The following CKMT2 variants were observed in gnomAD, a reference collection of about 807,000 sequenced individuals.
CKMT2 encodes the protein creatine kinase S-type, mitochondrial.
CKMT2 carries 43 observed loss-of-function variants against 48.9 expected under a neutral mutation model. That is an observed-to-expected ratio of 0.88 (90% CI 0.69 to 1.13). The LOEUF (loss-of-function observed/expected upper bound fraction) is 1.13, where lower values mean the gene tolerates loss of function less well. Ranked by LOEUF, CKMT2 falls within the 50% of genes most tolerant of loss-of-function variation. CKMT2 has a pLI of 0.00. For missense variants in CKMT2, 472 were observed against 555.4 expected (o/e 0.85, Z 1.51); for synonymous variants, 206 against 213.0 (o/e 0.97, Z 0.29).
At chr5:81,242,393 C>T in intron 1 of CKMT2, 1 of 501,546 alleles carries the variant, frequency 2.0e-6, no homozygotes, top group Middle Eastern at 6.7e-4. Context: ...TGCCATAGTC[C>T]TTAACTACTA....
In CKMT2 at chr5:81,251,215, C is replaced by A. The variant is rs761457611; in HGVS notation, c.83C>A (p.Thr28Asn). Residue 28 changes from threonine (T) to asparagine (N), a missense_variant, in exon 2 of 10, where the codon ACC (threonine) becomes AAC (asparagine). Transcript: ENST00000254035. Reference sequence around the variant, plus strand: ...ACCATGGGCACCAGTGTCCTGACCACCGGGTACCTGCTGAACCGGCAGAAA... The same window carrying A: ...ACCATGGGCACCAGTGTCCTGACCAACGGGTACCTGCTGAACCGGCAGAAA... ...FATMGTSVLT[T>N]GYLLNRQKVC... 2 of 1,614,198 alleles carry A rather than the reference C, an allele frequency of 1.2e-6. No homozygotes were observed. Among genetic ancestry groups the A allele is most frequent in the South Asian group, 2.2e-5 (2 of 91,082 alleles).
intron 1 of CKMT2, among the ~76,000 whole-genome samples, chr5:81,236,903 A>T (rs575508821): frequency 1.3e-5 from 2 of 152,314 alleles, no homozygotes; most frequent in East Asian, 1.9e-4. Context: ...TAATCCCAGC[A>T]CTTTGGGAGG....
intron 1 of CKMT2, among the ~76,000 whole-genome samples, chr5:81,249,049 GCT>G (rs1450638300): frequency 6.7e-6 from 1 of 150,074 alleles, no homozygotes; most frequent in Non-Finnish European, 1.5e-5. Flanking sequence ...GGAAATCCAT[GCT>G]CTTTTTTTTT....
intron 5 of CKMT2, among the ~76,000 whole-genome samples, chr5:81,255,756 A>C (rs1756985908): frequency 6.6e-6 from 1 of 152,014 alleles, no homozygotes; most frequent in African/African-American, 2.4e-5. Context: ...CAAGTCCCTT[A>C]CTTATTTTCG....
At chr5:81,242,811 A>G (rs1013919433) in intron 1 of CKMT2, among the ~76,000 whole-genome samples, 1 of 152,138 alleles carries the variant, frequency 6.6e-6, no homozygotes, top group African/African-American at 2.4e-5. Context: ...TTCCATATCT[A>G]TTTTTTGGTT....
intron 8 of CKMT2, among the ~76,000 whole-genome samples, chr5:81,263,176 G>T (rs981134132): frequency 6.6e-6 from 1 of 151,720 alleles, no homozygotes. Context: ...GGCCAGTTGG[G>T]GGGTGGGGGT....
Position 81,263,327 on chromosome 5 carries a change from T to A in CKMT2, c.1015-164T>A, listed in dbSNP as rs562785397. On this transcript the variant is annotated intron_variant, in intron 8 of 9. Transcript: ENST00000254035. ...ATCCCAGAACGCTTTATTTAGTTAA[T>A]CTATATATTCAATATATATATCTAT... Among the ~76,000 whole-genome samples the A allele has an allele frequency of 8.0e-5, 12 of 149,474 alleles. No homozygotes were observed. The East Asian group carries it at 2.3e-3, about 29-fold the overall frequency.
intron 1 of CKMT2, among the ~76,000 whole-genome samples, chr5:81,243,799 C>T (rs1012778055): frequency 1.3e-5 from 2 of 152,128 alleles, no homozygotes; most frequent in African/African-American, 2.4e-5. Context: ...AAGTGATTCT[C>T]GTGCCTCAGC....
At chr5:81,242,145 A>T (rs1756458446) in intron 1 of CKMT2, among the ~76,000 whole-genome samples, 1 of 152,114 alleles carries the variant, frequency 6.6e-6, no homozygotes, top group Non-Finnish European at 1.5e-5. Flanking sequence ...GCACTGGGCC[A>T]CCCTAATTTG....
intron 1 of CKMT2, among the ~76,000 whole-genome samples, chr5:81,235,216 G>C (rs1405741563): frequency 2.6e-5 from 4 of 152,224 alleles, no homozygotes; most frequent in Non-Finnish European, 5.9e-5. Context: ...TCCTGCCTAG[G>C]ACTGTCTATT....
chr5:81,256,016 A>G (rs1406835962), intron 5 of CKMT2, among the ~76,000 whole-genome samples: 2 of 152,122 alleles, frequency 1.3e-5, no homozygotes, highest in African/African-American at 4.8e-5. Context: ...GCAGGTCACA[A>G]TCCTCTCCTG....
In CKMT2 at chr5:81,259,122, A is replaced by C. The variant is rs750469265; in HGVS notation, c.882A>C (p.Val294=). The change falls in exon 8 of 10, where the codon GTA becomes GTC. Residue 294 remains valine (V), a splice_region_variant and synonymous_variant. Transcript: ENST00000254035. ...GTTCACTGTGGTTCTACTTGTAGGT[A>C]GAACGGTTAATCCAAGAACGAGGCT... ...FERFCRGLKE[V]ERLIQERGWE... The C allele has an allele frequency of 3.7e-6, 6 of 1,612,532 alleles. No homozygotes were observed. The South Asian group carries it at 6.6e-5, about 18-fold the overall frequency.
intron 1 of CKMT2, among the ~76,000 whole-genome samples, chr5:81,239,511 C>T (rs965378408): frequency 3.3e-5 from 5 of 152,080 alleles, no homozygotes; most frequent in Non-Finnish European, 5.9e-5. Flanking sequence ...AGTGGGGGCA[C>T]GTGGCATCCA....
At chr5:81,244,278 A>G in intron 1 of CKMT2, 1 of 713,960 alleles carries the variant, frequency 1.4e-6, no homozygotes, top group Non-Finnish European at 1.7e-6. Flanking sequence ...CATCATTAAC[A>G]TCACCTGCCC....
Position 81,255,140 on chromosome 5 carries a change from C to T in CKMT2, c.595C>T (p.Leu199Phe). 1 of 1,614,122 alleles carries T rather than the reference C, an allele frequency of 6.2e-7. No homozygotes were observed. The highest frequency in any genetic ancestry group is 1.1e-5 in the South Asian group (1 of 91,074). ...CGTGGCCATCACTGCCCTGGAGGGC[C>T]TCAAGGGGGACCTGGCTGGCCGCTA... is the stretch of plus-strand genomic sequence containing the variant. ...ENVAITALEG[L>F]KGDLAGRYYK... The change falls in exon 5 of 10, where the codon CTC becomes TTC. Residue 199 changes from leucine (L) to phenylalanine (F), a missense_variant. Transcript: ENST00000254035.
At chr5:81,248,659 T>C (rs1365823162) in intron 1 of CKMT2, among the ~76,000 whole-genome samples, 1 of 152,240 alleles carries the variant, frequency 6.6e-6, no homozygotes, top group Admixed American at 6.5e-5. Context: ...TTATATCTTG[T>C]CTGCTCTTAG....
chr5:81,242,979 AATT>A (rs1756488632), intron 1 of CKMT2, among the ~76,000 whole-genome samples: 1 of 152,216 alleles, frequency 6.6e-6, no homozygotes, highest in South Asian at 2.1e-4. Flanking sequence ...GTGGCTTTTA[AATT>A]ATTATCTTCT....
At chr5:81,242,824 AGTCT>A (rs1040829275) in intron 1 of CKMT2, among the ~76,000 whole-genome samples, 1 of 152,172 alleles carries the variant, frequency 6.6e-6, no homozygotes, top group Non-Finnish European at 1.5e-5. Flanking sequence ...TTTTGGTTTC[AGTCT>A]GTCTGAGTTC....
At chr5:81,260,991 A>C (rs2112823751) in intron 8 of CKMT2, among the ~76,000 whole-genome samples, 1 of 152,386 alleles carries the variant, frequency 6.6e-6, no homozygotes, top group East Asian at 1.9e-4. Flanking sequence ...AACCGAATCC[A>C]GCAGCACATC....
Sources: gnomAD v4.1 joint callset for allele counts (sites outside exome capture counted in the v4.1 genomes callset) on GRCh38, gnomAD v4.1.1 for gene constraint, MANE v1.5 for transcripts, NCBI Gene and HGNC (gene_info 2026-07-23, HGNC 2026-07-21) for gene names.